Variants in TRIM40 observed in about 807,000 individuals in gnomAD.
The protein encoded by TRIM40 is tripartite motif containing 40, also known as E3 ubiquitin ligase TRIM40.
A neutral mutation model predicts 26.1 loss-of-function variants in TRIM40; 27 were observed. That is an observed-to-expected ratio of 1.04 (90% CI 0.76 to 1.43). The LOEUF (loss-of-function observed/expected upper bound fraction) is 1.43, where lower values mean the gene tolerates loss of function less well. Ranked by LOEUF, TRIM40 falls within the 40% of genes most tolerant of loss-of-function variation. The pLI is 0.00. For missense variants in TRIM40, 289 were observed against 307.9 expected (o/e 0.94, Z 0.46); for synonymous variants, 114 against 120.0 (o/e 0.95, Z 0.33).
chr6:30,138,481 A>G lies in TRIM40; in HGVS notation c.345+1100A>G, dbSNP rs189194294. Among the ~76,000 whole-genome samples the G allele has an allele frequency of 7.6e-3, 1,150 of 152,268 alleles. 49 individuals are homozygous for G. In the South Asian group the frequency reaches 0.12, roughly 16 times the overall value. On this transcript the variant is annotated intron_variant, in intron 2 of 5. Coordinates refer to ENST00000396581, the MANE Select transcript of TRIM40 (RefSeq NM_001286633.2). ...TTGAATGCCAATGTCATAATATACC[A>G]TATATGCATATTTTCTTGCATACTG...
At chr6:30,147,289 G>T in intron 4 of TRIM40, 80 bp downstream of exon 4, 1 of 1,530,754 alleles carries the variant, frequency 6.5e-7, no homozygotes, top group South Asian at 1.1e-5. Context: ...CTTCTGGGAG[G>T]TGTAAGAGGG....
At chr6:30,146,554 G>A (rs1393380042) in intron 3 of TRIM40, among the ~76,000 whole-genome samples, 1 of 152,128 alleles carries the variant, frequency 6.6e-6, no homozygotes, top group Non-Finnish European at 1.5e-5. Context: ...GGGACTACAG[G>A]CACTTGCCAC....
At chr6:30,139,344 T>C (rs1042016403) in intron 2 of TRIM40, among the ~76,000 whole-genome samples, 19 of 141,638 alleles carry the variant, frequency 1.3e-4, no homozygotes, top group South Asian at 2.3e-4. Flanking sequence ...TTTTTCTTTT[T>C]TTTTTTTTTT....
rs1465920193 is a variant in TRIM40 at position 30,147,150 on chromosome 6, A to G, written c.607A>G (p.Arg203Gly). The G allele has an allele frequency of 6.2e-7, 1 of 1,614,202 alleles. No homozygotes were observed. Among genetic ancestry groups the G allele is most frequent in the Non-Finnish European group, 8.5e-7 (1 of 1,179,984 alleles). ...CATCTCCAGGGCAGTAACACAGCTC[A>G]GAAGCCTGGTCATTGATCTGGAAAG... ...LDISRAVTQL[R>G]SLVIDLERTA... The change falls in exon 4 of 6, where the codon AGA becomes GGA. Residue 203 changes from arginine to glycine, a missense_variant. Coordinates refer to ENST00000396581, the MANE Select transcript of TRIM40 (RefSeq NM_001286633.2).
At position 30,137,382 on chromosome 6, in the gene TRIM40, G is replaced by T. The variant is rs753716535; in HGVS notation, c.345+1G>T. On this transcript the variant is annotated splice_donor_variant, in intron 2 of 5. Transcript: ENST00000396581. LOFTEE classifies it high-confidence loss of function. ...TGAAAATGCCCTCAGCCACTACAAGGTAAGCCTGGGTCACCGCAGCCAGGC... is the reference window on the plus strand; with the variant it reads ...TGAAAATGCCCTCAGCCACTACAAGTTAAGCCTGGGTCACCGCAGCCAGGC... 1.2e-6 allele frequency: 2 copies of T among 1,608,908 alleles called. No individual in the cohort carries two copies. Among genetic ancestry groups the T allele is most frequent in the Non-Finnish European group, 1.7e-6 (2 of 1,177,598 alleles).
chr6:30,143,833 A>T (rs9261502), intron 2 of TRIM40, among the ~76,000 whole-genome samples: 33,507 of 152,134 alleles, frequency 0.22, 4,033 homozygotes, highest in Admixed American at 0.25. Flanking sequence ...ACAATATGAC[A>T]GTATTATCTT....
At position 30,147,915 on chromosome 6, in the gene TRIM40, C is replaced by A; in HGVS notation, c.*103C>A. The A allele has an allele frequency of 2.2e-6, 2 of 923,114 alleles. No individual in the cohort carries two copies. Among genetic ancestry groups the A allele is most frequent in the Non-Finnish European group, 3.5e-6 (2 of 569,842 alleles). The allele number at this position is 923,114 out of a possible 1,614,324, so 57.2% of individuals were successfully genotyped here. ...CCACTGGGTCTACCCAGTGCATCTT[C>A]GGGCCTGCCAGCTCCTGAACATGTC... is the stretch of plus-strand genomic sequence containing the variant. On this transcript the variant is annotated 3_prime_UTR_variant, in exon 6 of 6. Coordinates refer to ENST00000396581, the MANE Select transcript of TRIM40 (RefSeq NM_001286633.2).
intron 5 of TRIM40, 27 bp downstream of exon 5, chr6:30,147,569 A>G (rs1049378522): frequency 1.2e-6 from 2 of 1,614,032 alleles, no homozygotes; most frequent in Admixed American, 1.7e-5. Context: ...CTTCTTTCCC[A>G]CATGTGCATA....
intron 3 of TRIM40, 142 bp downstream of exon 3, chr6:30,146,231 T>G: frequency 5.7e-6 from 4 of 698,662 alleles, no homozygotes; most frequent in Non-Finnish European, 9.8e-6. Flanking sequence ...GTGTTGGCCT[T>G]GGCGTCAAAG....
chr6:30,145,203 T>C (rs1771574413), intron 2 of TRIM40, among the ~76,000 whole-genome samples: 1 of 137,860 alleles, frequency 7.3e-6, no homozygotes, highest in Admixed American at 7.0e-5. Context: ...TCAAAAAAGA[T>C]TAAAAAAAAA....
intron 2 of TRIM40, 54 bp from the exon 3 acceptor site, chr6:30,145,940 A>G (rs1771615644): frequency 4.1e-6 from 6 of 1,446,748 alleles, no homozygotes; most frequent in Non-Finnish European, 4.9e-6. Flanking sequence ...GACTCCTCCC[A>G]GTGGGTGCCC....
At position 30,137,379 on chromosome 6, in the gene TRIM40, A is replaced by G. The variant is rs766059350; in HGVS notation, c.343A>G (p.Lys115Glu). The change falls in exon 2 of 6, where the codon AAG (lysine) becomes GAG (glutamate). Residue 115 changes from lysine (K) to glutamate (E), a missense_variant and splice_region_variant. By Grantham distance (56) the Lys-to-Glu change is moderately conservative. Transcript: ENST00000396581. ...CATTGAAAATGCCCTCAGCCACTACAAGGTAAGCCTGGGTCACCGCAGCCA... is the reference window on the plus strand; with the variant it reads ...CATTGAAAATGCCCTCAGCCACTACGAGGTAAGCCTGGGTCACCGCAGCCA... ...LTIENALSHY[K>E]ERLNRRSRKL... The G allele has an allele frequency of 1.2e-6, 2 of 1,610,336 alleles. No individual in the cohort carries two copies. The highest frequency in any genetic ancestry group is 2.2e-5 in the South Asian group (2 of 90,846).
intron 2 of TRIM40, among the ~76,000 whole-genome samples, chr6:30,144,875 C>T (rs926578229): frequency 6.6e-6 from 1 of 152,194 alleles, no homozygotes; most frequent in African/African-American, 2.4e-5. Flanking sequence ...CACCAGCCTG[C>T]CACCTTCTTC....
chr6:30,142,437 G>A (rs59079266), intron 2 of TRIM40, among the ~76,000 whole-genome samples: 1,685 of 152,290 alleles, frequency 0.011, 23 homozygotes, highest in African/African-American at 0.034. Context: ...TAGAATCAGG[G>A]CATAAATTCT....
Position 30,147,717 on chromosome 6 carries a change from G to T in TRIM40, c.690-8G>T, listed in dbSNP as rs201412051. 972 of 1,613,804 alleles carry T rather than the reference G, an allele frequency of 6.0e-4. No individual in the cohort carries two copies. Among genetic ancestry groups the T allele is most frequent in the Non-Finnish European group, 7.6e-4 (891 of 1,179,700 alleles). On this transcript the variant is annotated splice_region_variant and splice_polypyrimidine_tract_variant and intron_variant, in intron 5 of 5. Coordinates refer to ENST00000396581, the MANE Select transcript of TRIM40 (RefSeq NM_001286633.2). The stretch of plus-strand genomic sequence containing the variant: ...ATATTAATCTATGAAAGATTTCTTT[G>T]TTTCTAGGAGTGCTCCACAGAAATT...
At chr6:30,142,620 T>A in intron 2 of TRIM40, among the ~76,000 whole-genome samples, 1 of 152,320 alleles carries the variant, frequency 6.6e-6, no homozygotes, top group South Asian at 2.1e-4. Flanking sequence ...TCTCCATGTC[T>A]TAAATACACA....
chr6:30,147,742 T>C lies in TRIM40; in HGVS notation c.707T>C (p.Leu236Ser), dbSNP rs1771758084. ...DLLNRSAPQK[L>S]EVIYPQLEKG... ...GTTTCTAGGAGTGCTCCACAGAAAT[T>C]AGAGGTTATTTATCCCCAGTTGGAG... Residue 236 changes from leucine (L) to serine (S), a missense_variant, in exon 6 of 6, where the codon TTA (leucine) becomes TCA (serine). By Grantham distance (145) the Leu-to-Ser change is moderately radical. Transcript: ENST00000396581. The C allele has an allele frequency of 1.9e-6, 3 of 1,614,024 alleles. No individual in the cohort carries two copies. The highest frequency in any genetic ancestry group is 2.5e-6 in the Non-Finnish European group (3 of 1,179,998).
At chr6:30,146,119 C>T (rs1350010272) in intron 3 of TRIM40, 30 bp downstream of exon 3, 1 of 1,567,658 alleles carries the variant, frequency 6.4e-7, no homozygotes, top group African/African-American at 1.4e-5. Flanking sequence ...GGGAAGGACT[C>T]CCTGGAGTGT....
chr6:30,136,240 C>G (rs1770989410), intron 1 of TRIM40, 51 bp downstream of exon 1: 1 of 152,262 alleles, frequency 6.6e-6, no homozygotes. Flanking sequence ...AGAGGTGCAG[C>G]ATGAGGGAAT....
Sources: allele counts gnomAD v4.1 joint callset (sites outside exome capture counted in the v4.1 genomes callset), GRCh38; gene constraint gnomAD v4.1.1; transcripts MANE v1.5; gene names NCBI Gene and HGNC (gene_info 2026-07-23, HGNC 2026-07-21).